AGBL1: variants seen among roughly 807,000 people sequenced by gnomAD.
AGBL1 encodes cytosolic carboxypeptidase 4.
Under a neutral mutation model 118.9 loss-of-function variants are expected in AGBL1, and 130 were observed. The observed-to-expected ratio is 1.09, with a 90% confidence interval of 0.95 to 1.26. The LOEUF (loss-of-function observed/expected upper bound fraction) is 1.26. Among genes scored for constraint, AGBL1 ranks in the 50% most tolerant of loss-of-function variants. The pLI is 0.00. For missense variants in AGBL1, 1,584 were observed against 1,298.1 expected (o/e 1.22, Z -3.38); for synonymous variants, 555 against 478.9 (o/e 1.16, Z -2.08).
chr15:86,934,352 A>C (rs913575807), intron 23 of AGBL1, among the ~76,000 whole-genome samples: 1 of 152,158 alleles, frequency 6.6e-6, no homozygotes. Flanking sequence ...ACAGCTCCCT[A>C]TTGGCCAAGA....
At chr15:86,892,050 A>G (rs933063028) in intron 22 of AGBL1, among the ~76,000 whole-genome samples, 1 of 152,214 alleles carries the variant, frequency 6.6e-6, no homozygotes, top group Non-Finnish European at 1.5e-5. Flanking sequence ...CACTTAGGTC[A>G]ACCCATTTTT....
intron 22 of AGBL1, among the ~76,000 whole-genome samples, chr15:86,816,930 T>C (rs1389227017): frequency 6.6e-6 from 1 of 152,122 alleles, no homozygotes; most frequent in African/African-American, 2.4e-5. Context: ...TCTTACATTG[T>C]ATAATTGAGG....
intron 3 of AGBL1, among the ~76,000 whole-genome samples, chr15:86,152,050 T>C (rs2077119099): frequency 6.6e-6 from 1 of 152,200 alleles, no homozygotes; most frequent in Non-Finnish European, 1.5e-5. Context: ...CATTCCATGC[T>C]TGTAGATACG....
At chr15:86,565,401 G>T (rs1463637315) in intron 21 of AGBL1, among the ~76,000 whole-genome samples, 1 of 152,248 alleles carries the variant, frequency 6.6e-6, no homozygotes, top group East Asian at 1.9e-4. Flanking sequence ...GTCCACTCCA[G>T]ACCCTGTTTG....
At chr15:86,973,707 G>T (rs1241590500) in intron 23 of AGBL1, among the ~76,000 whole-genome samples, 1 of 151,584 alleles carries the variant, frequency 6.6e-6, no homozygotes, top group Non-Finnish European at 1.5e-5. Context: ...AATAAAAAGT[G>T]GTATGCTGTG....
intron 22 of AGBL1, among the ~76,000 whole-genome samples, chr15:86,801,018 A>G (rs146359724): frequency 1.4e-4 from 21 of 152,156 alleles, no homozygotes; most frequent in African/African-American, 3.1e-4. Context: ...AAGGTCGTTG[A>G]GTTTGAAATA....
chr15:86,456,830 A>T (rs34133511), intron 18 of AGBL1, among the ~76,000 whole-genome samples: 36,485 of 152,184 alleles, frequency 0.24, 5,720 homozygotes, highest in Non-Finnish European at 0.35. Context: ...AAAATAGAGC[A>T]TATCTACAAT....
rs1337282058 is a variant in AGBL1, at chr15:86,523,945, G to T, written c.2685+1006G>T. Among the ~76,000 whole-genome samples, 6 of 152,260 alleles carry T rather than the reference G, an allele frequency of 3.9e-5. No individual in the cohort carries two copies. The East Asian group carries it at 1.2e-3, about 29-fold the overall frequency. On this transcript the variant is annotated intron_variant, in intron 19 of 22. Coordinates refer to ENST00000614907, the MANE Select transcript of AGBL1 (RefSeq NM_001386094.1). ...AGAGGGACATACGTCCAAATTCAGA[G>T]TCCTTACCTAACCTAACAAACTTAA...
chr15:86,615,658 G>T lies in AGBL1; in HGVS notation c.2995-58615G>T, dbSNP rs1484279541. Among the ~76,000 whole-genome samples the T allele has an allele frequency of 6.6e-6, 1 of 152,146 alleles. No homozygotes were observed. Among genetic ancestry groups the T allele is most frequent in the Non-Finnish European group, 1.5e-5 (1 of 68,024 alleles). ...GCACTGAGGCTCCGGTTCACCTCTG[G>T]ACAGCTGGCATGGGTGCAAAGACAT... is the stretch of plus-strand genomic sequence containing the variant. On this transcript the variant is annotated intron_variant, in intron 21 of 22. Coordinates refer to ENST00000614907, the MANE Select transcript of AGBL1 (RefSeq NM_001386094.1). The surrounding 1 kb of genome is among the most constrained non-coding windows in gnomAD (Gnocchi z 4.3).
chr15:87,012,834 T>C (rs2081574889), intron 24 of AGBL1, among the ~76,000 whole-genome samples: 1 of 152,106 alleles, frequency 6.6e-6, no homozygotes, highest in Non-Finnish European at 1.5e-5. Flanking sequence ...AGATATATCC[T>C]TACCTAGAGG....
chr15:86,399,156 A>G (rs1356995758), intron 18 of AGBL1, among the ~76,000 whole-genome samples: 2 of 152,176 alleles, frequency 1.3e-5, no homozygotes, highest in Non-Finnish European at 1.5e-5. Flanking sequence ...GAAAGAAATT[A>G]GCCTTCTGAG....
chr15:86,146,367 T>C (rs182624705), intron 3 of AGBL1, among the ~76,000 whole-genome samples: 148 of 152,336 alleles, frequency 9.7e-4, no homozygotes, highest in African/African-American at 3.5e-3. Flanking sequence ...TGATGTAAGG[T>C]CTGAGGATGT....
At chr15:86,784,984 G>T (rs1596478155) in intron 22 of AGBL1, among the ~76,000 whole-genome samples, 1 of 152,276 alleles carries the variant, frequency 6.6e-6, no homozygotes, top group East Asian at 1.9e-4. Context: ...TTCAAGCACG[G>T]TATTACAAAT....
At chr15:86,923,853 AC>A (rs2080504892) in intron 23 of AGBL1, among the ~76,000 whole-genome samples, 1 of 152,210 alleles carries the variant, frequency 6.6e-6, no homozygotes, top group Non-Finnish European at 1.5e-5. Context: ...CCTATGTCAT[AC>A]AGCTAATAAG....
At chr15:86,662,255 A>G (rs541122862) in intron 21 of AGBL1, among the ~76,000 whole-genome samples, 1 of 152,368 alleles carries the variant, frequency 6.6e-6, no homozygotes, top group South Asian at 2.1e-4. Flanking sequence ...CATACTGCAT[A>G]GGGAAAAAGT....
intron 22 of AGBL1, among the ~76,000 whole-genome samples, chr15:86,858,196 C>T: frequency 6.6e-6 from 1 of 152,030 alleles, no homozygotes; most frequent in East Asian, 1.9e-4. Context: ...AAGAGGGTAT[C>T]ACAGAAAAGA....
intron 5 of AGBL1, among the ~76,000 whole-genome samples, chr15:86,221,982 G>T (rs1397452561): frequency 6.6e-6 from 1 of 152,152 alleles, no homozygotes; most frequent in Non-Finnish European, 1.5e-5. Flanking sequence ...TTGAAAAACA[G>T]TGTGCCTAGA....
chr15:86,822,085 CAGGGATTTATTG>C (rs2078949943), intron 22 of AGBL1, among the ~76,000 whole-genome samples: 1 of 152,140 alleles, frequency 6.6e-6, no homozygotes, highest in Admixed American at 6.6e-5. Context: ...CCCTGAAGTA[CAGGGATTTATTG>C]CCATTTGGGA....
chr15:86,483,996 A>G (rs953920432), intron 18 of AGBL1, among the ~76,000 whole-genome samples: 2 of 152,088 alleles, frequency 1.3e-5, no homozygotes, highest in African/African-American at 4.8e-5. Context: ...TTTGAAGGAC[A>G]TTTCCAATCA....
Sources: gnomAD v4.1 joint callset for allele counts (sites outside exome capture counted in the v4.1 genomes callset) on GRCh38, gnomAD v4.1.1 for gene constraint, Gnocchi (gnomAD v3.1) non-coding constraint, MANE v1.5 for transcripts, NCBI Gene and HGNC (gene_info 2026-07-23, HGNC 2026-07-21) for gene names.